The following SCOC variants were observed in gnomAD, a reference collection of about 807,000 sequenced individuals.
SCOC encodes short coiled coil protein.
Under a neutral mutation model 9.9 loss-of-function variants are expected in SCOC, and 7 were observed. The observed-to-expected ratio is 0.71, with a 90% CI of 0.40 to 1.33. The LOEUF (loss-of-function observed/expected upper bound fraction) is 1.33. Ranked by LOEUF, SCOC falls within the 40% of genes most tolerant of loss-of-function variation. The pLI, the probability that SCOC is intolerant of heterozygous loss-of-function variation, is 0.01. For synonymous variants in SCOC, 19 were observed against 28.2 expected (o/e 0.67, Z 1.03); for missense variants, 66 against 89.7 (o/e 0.74, Z 1.07).
chr4:140,258,802 T>C (rs1309835293), intron 1 of SCOC, among the ~76,000 whole-genome samples: 5 of 152,234 alleles, frequency 3.3e-5, no homozygotes, highest in South Asian at 4.1e-4. Flanking sequence ...TTTTTTGAAA[T>C]GATGGCGTAT....
At chr4:140,270,172 A>G (rs1015443020) in intron 1 of SCOC, among the ~76,000 whole-genome samples, 1 of 152,214 alleles carries the variant, frequency 6.6e-6, no homozygotes, top group African/African-American at 2.4e-5. Flanking sequence ...GATACAAGGT[A>G]TAAGGTTTAG....
intron 1 of SCOC, among the ~76,000 whole-genome samples, chr4:140,320,192 C>T (rs1000476959): frequency 6.6e-5 from 10 of 152,120 alleles, no homozygotes; most frequent in South Asian, 2.1e-4. Flanking sequence ...AAGATGGCCA[C>T]GAAGAGTAAC....
intron 1 of SCOC, chr4:140,285,168 C>G (rs751257467): frequency 2.2e-6 from 1 of 456,618 alleles, no homozygotes; most frequent in Admixed American, 2.3e-5. Flanking sequence ...GAGTTGGGTC[C>G]CAAGGTCTTA....
chr4:140,272,988 G>T (rs535056283), intron 1 of SCOC, among the ~76,000 whole-genome samples: 7 of 152,042 alleles, frequency 4.6e-5, no homozygotes, highest in Non-Finnish European at 1.0e-4. Flanking sequence ...CTAACCTTCC[G>T]CCATGTTCAG....
At position 140,260,676 on chromosome 4, in the gene SCOC, A is replaced by T. The variant is rs754877890; in HGVS notation, c.-19+3266A>T. Among the ~76,000 whole-genome samples the T allele has an allele frequency of 4.6e-5, 7 of 152,280 alleles. No homozygotes were observed. The Middle Eastern group carries it at 0.01, about 222-fold the overall frequency. On this transcript the variant is annotated intron_variant, in intron 1 of 4. Transcript: ENST00000394205. ...TGAACTTCTACAGTGTATGTTTAAA[A>T]TGTAGGCTTCCAGGCCCACTCCAAA...
chr4:140,261,355 G>A (rs192692404), intron 1 of SCOC, among the ~76,000 whole-genome samples: 32 of 152,334 alleles, frequency 2.1e-4, no homozygotes, highest in Non-Finnish European at 2.9e-4. Context: ...TCCAAGAGCA[G>A]TGAGCATTGG....
intron 1 of SCOC, among the ~76,000 whole-genome samples, chr4:140,338,310 G>A (rs1733017937): frequency 6.6e-6 from 1 of 152,072 alleles, no homozygotes; most frequent in African/African-American, 2.4e-5. Context: ...AAAATAATAA[G>A]AGCTATTTAT....
chr4:140,271,625 C>T (rs964472080), intron 1 of SCOC, among the ~76,000 whole-genome samples: 2 of 152,080 alleles, frequency 1.3e-5, no homozygotes, highest in Non-Finnish European at 2.9e-5. Flanking sequence ...ATATGTTAGG[C>T]TGGGAATCTG....
intron 1 of SCOC, among the ~76,000 whole-genome samples, chr4:140,375,138 G>C (rs568833240): frequency 1.7e-4 from 26 of 152,294 alleles, no homozygotes; most frequent in Admixed American, 7.2e-4. Context: ...TGTAGTCTTG[G>C]CCCTGTTGCT....
At chr4:140,350,907 GGGCCA>G (rs911767914) in intron 2 of SCOC, among the ~76,000 whole-genome samples, 3 of 152,070 alleles carry the variant, frequency 2.0e-5, no homozygotes, top group African/African-American at 7.2e-5. Context: ...TCTGAGATCT[GGGCCA>G]GGAACAGTGG....
At chr4:140,292,578 T>C (rs1021247622) in intron 1 of SCOC, among the ~76,000 whole-genome samples, 5 of 152,180 alleles carry the variant, frequency 3.3e-5, no homozygotes, top group African/African-American at 9.7e-5. Context: ...AAACCCAACA[T>C]ATTCCTGACT....
At chr4:140,379,713 T>C in intron 3 of SCOC, 61 bp downstream of exon 3, 8 of 1,238,464 alleles carry the variant, frequency 6.5e-6, no homozygotes, top group Non-Finnish European at 9.4e-6. Context: ...TGTAAAAATT[T>C]ATATTGCTAA....
chr4:140,309,278 G>A (rs1466861840), intron 1 of SCOC, among the ~76,000 whole-genome samples: 2 of 152,198 alleles, frequency 1.3e-5, no homozygotes, highest in East Asian at 3.9e-4. Flanking sequence ...TGCCCAGCAG[G>A]TGGAGCCTCA....
chr4:140,312,030 T>C (rs192471881), intron 1 of SCOC, among the ~76,000 whole-genome samples: 3 of 152,380 alleles, frequency 2.0e-5, no homozygotes, highest in African/African-American at 4.8e-5. Context: ...AATAGTTATA[T>C]TGCTTTCTGG....
chr4:140,292,452 G>T (rs1452935537), intron 1 of SCOC, among the ~76,000 whole-genome samples: 1 of 152,166 alleles, frequency 6.6e-6, no homozygotes, highest in African/African-American at 2.4e-5. Context: ...GACTCCCAGA[G>T]TGCTGGGATT....
chr4:140,366,651 C>T, intron 2 of SCOC: 2 of 1,603,124 alleles, frequency 1.2e-6, no homozygotes, highest in South Asian at 1.1e-5. Flanking sequence ...TGACATACTT[C>T]TGGTGGGCTC....
chr4:140,380,633 T>C (rs1306661658), intron 3 of SCOC, among the ~76,000 whole-genome samples: 6 of 152,240 alleles, frequency 3.9e-5, no homozygotes, highest in Admixed American at 6.5e-5. Flanking sequence ...TAACCTGATA[T>C]ATATCTTAAA....
upstream of SCOC, chr4:140,373,555 T>C: frequency 6.4e-7 from 1 of 1,551,716 alleles, no homozygotes; most frequent in Non-Finnish European, 8.7e-7. Flanking sequence ...GCGTGTATTC[T>C]CGAGTCAGGA....
At chr4:140,261,536 G>C (rs1219819983) in intron 1 of SCOC, among the ~76,000 whole-genome samples, 3 of 152,208 alleles carry the variant, frequency 2.0e-5, no homozygotes, top group Non-Finnish European at 4.4e-5. Context: ...AGAAAAGGCT[G>C]AGTGCCCTCT....
Sources: allele counts gnomAD v4.1 joint callset (sites outside exome capture counted in the v4.1 genomes callset), GRCh38; gene constraint gnomAD v4.1.1; transcripts MANE v1.5; gene names NCBI Gene and HGNC (gene_info 2026-07-23, HGNC 2026-07-21).